The following DDHD1 variants were observed in gnomAD, a reference collection of about 807,000 sequenced individuals.
DDHD1 encodes the protein phospholipase DDHD1.
In DDHD1, 49 loss-of-function variants were observed where a neutral mutation model predicts 96.4. That is an observed-to-expected ratio of 0.51 (90% confidence interval 0.40 to 0.64). The LOEUF (loss-of-function observed/expected upper bound fraction) is 0.64. Ranked by LOEUF, DDHD1 falls within the 30% of genes least tolerant of loss-of-function variation. DDHD1 has a pLI of 0.00. For missense variants in DDHD1, 1,106 were observed against 1,161.2 expected (o/e 0.95, Z 0.69); for synonymous variants, 442 against 446.5 (o/e 0.99, Z 0.13).
At position 53,145,449 on chromosome 14, in the gene DDHD1, A is replaced by T. The variant is rs1046812216; in HGVS notation, c.838+6812T>A. On this transcript the variant is annotated intron_variant, in intron 1 of 12. Transcript: ENST00000673822. ...GCCTGGGAGGTCAAGGCTGCAGTGAACTATGATCACTCCACATTATTCTGG... is the reference window on the plus strand; with the variant it reads ...GCCTGGGAGGTCAAGGCTGCAGTGATCTATGATCACTCCACATTATTCTGG... Among the ~76,000 whole-genome samples the T allele has an allele frequency of 3.4e-5, 5 of 148,662 alleles. No homozygotes were observed. In the South Asian group the frequency reaches 1.1e-3, roughly 32 times the overall value.
chr14:53,129,833 A>G (rs935171237), intron 1 of DDHD1, among the ~76,000 whole-genome samples: 4 of 152,322 alleles, frequency 2.6e-5, no homozygotes, highest in African/African-American at 9.6e-5. Context: ...TAATGGCTCT[A>G]AATGGCCAGA....
At chr14:53,095,952 TAC>T (rs2139690884) in intron 2 of DDHD1, among the ~76,000 whole-genome samples, 1 of 152,224 alleles carries the variant, frequency 6.6e-6, no homozygotes, top group Non-Finnish European at 1.5e-5. Flanking sequence ...TACTGGACTA[TAC>T]ACACTGTTTA....
At chr14:53,094,705 T>A (rs1380036786) in intron 2 of DDHD1, among the ~76,000 whole-genome samples, 208 of 132,518 alleles carry the variant, frequency 1.6e-3, no homozygotes, top group South Asian at 3.4e-3. Context: ...TTAGCTGGGC[T>A]TGGTGATATG....
At position 53,036,816 on chromosome 14, in the gene DDHD1, G is replaced by A. The variant is rs1023348034; in HGVS notation, c.*9952C>T. The A allele has an allele frequency of 3.3e-5, 5 of 152,128 alleles. No homozygotes were observed. Among genetic ancestry groups the A allele is most frequent in the African/African-American group, 9.7e-5 (4 of 41,432 alleles). The allele number at this position is 152,128 out of a possible 1,614,324, so 9.4% of individuals were successfully genotyped here. ...TTTCATTTAGAAACAGTGGGTAAAT[G>A]TGCAAGTTTGTTACAAGGGTATATT... On this transcript the variant is annotated 3_prime_UTR_variant, in exon 13 of 13. Coordinates refer to ENST00000673822, the MANE Select transcript of DDHD1 (RefSeq NM_001160148.2).
intron 4 of DDHD1, among the ~76,000 whole-genome samples, chr14:53,078,950 C>G (rs1189114104): frequency 1.3e-5 from 2 of 151,858 alleles, no homozygotes; most frequent in African/African-American, 4.8e-5. Context: ...TTTTCTGTAT[C>G]TGAAAATCAC....
At chr14:53,047,109 A>C (rs1882079822) in intron 12 of DDHD1, among the ~76,000 whole-genome samples, 160 bp from the exon 13 acceptor site, 2 of 152,196 alleles carry the variant, frequency 1.3e-5, no homozygotes, top group South Asian at 4.1e-4. Context: ...AAAAACACTC[A>C]AAAGAGCCTC....
chr14:53,061,322 C>T (rs1883532940), intron 7 of DDHD1, 121 bp from the exon 8 acceptor site: 9 of 699,574 alleles, frequency 1.3e-5, no homozygotes, highest in Non-Finnish European at 2.0e-5. Context: ...CACATTAATC[C>T]TGGTTGACAG....
intron 1 of DDHD1, among the ~76,000 whole-genome samples, chr14:53,129,749 A>T (rs868862922): frequency 6.6e-6 from 1 of 152,072 alleles, no homozygotes; most frequent in African/African-American, 2.4e-5. Flanking sequence ...AAACCTCTTC[A>T]ATTCTTGCCT....
chr14:53,127,402 T>C lies in DDHD1; in HGVS notation c.839-23546A>G, dbSNP rs138242334. The stretch of plus-strand genomic sequence containing the variant: ...GAGCCTCAGCTTATCATCTATAACA[T>C]GAAGATATTGTCTCACTGCAGGGTT... On this transcript the variant is annotated intron_variant, in intron 1 of 12. Coordinates refer to ENST00000673822, the MANE Select transcript of DDHD1 (RefSeq NM_001160148.2). 5.3e-5 allele frequency among the ~76,000 whole-genome samples: 8 copies of C among 152,328 alleles called. No individual in the cohort carries two copies. In the East Asian group the frequency reaches 1.5e-3, roughly 29 times the overall value.
intron 1 of DDHD1, among the ~76,000 whole-genome samples, chr14:53,106,509 A>G (rs1255165448): frequency 6.6e-6 from 1 of 152,146 alleles, no homozygotes; most frequent in African/African-American, 2.4e-5. Context: ...AAATATAAAA[A>G]TTAGCTGGGC....
chr14:53,135,299 G>A (rs1235800958), intron 1 of DDHD1, among the ~76,000 whole-genome samples: 1 of 152,122 alleles, frequency 6.6e-6, no homozygotes, highest in East Asian at 1.9e-4. Flanking sequence ...CCCCACCCTT[G>A]TGATAATGCA....
Position 53,054,419 on chromosome 14 carries a change from A to G in DDHD1, c.2437+19T>C. The stretch of plus-strand genomic sequence containing the variant: ...AAAAAGATACAGTATCAACTTAAGG[A>G]AATAATGTATGAACTAACATGCAGA... On this transcript the variant is annotated intron_variant, in intron 11 of 12. Transcript: ENST00000673822. The G allele has an allele frequency of 6.2e-7, 1 of 1,608,080 alleles. No homozygotes were observed. Among genetic ancestry groups the G allele is most frequent in the Non-Finnish European group, 8.5e-7 (1 of 1,175,486 alleles).
At chr14:53,117,126 A>T (rs1888603883) in intron 1 of DDHD1, among the ~76,000 whole-genome samples, 1 of 152,218 alleles carries the variant, frequency 6.6e-6, no homozygotes, top group Non-Finnish European at 1.5e-5. Flanking sequence ...ATAATACCAT[A>T]AACACCTCTA....
chr14:53,119,951 AG>A (rs1421852517), intron 1 of DDHD1, among the ~76,000 whole-genome samples: 2 of 152,238 alleles, frequency 1.3e-5, no homozygotes, highest in Non-Finnish European at 2.9e-5. Context: ...AAGTTCTGCC[AG>A]GGCAATCAGA....
rs1440862775 is a variant in DDHD1 at position 53,152,402 on chromosome 14, G to T, written c.697C>A (p.Arg233Ser). Residue 233 changes from arginine to serine, a missense_variant, in exon 1 of 13, where the codon CGC (arginine) becomes AGC (serine). Transcript: ENST00000673822. ...GTACTCTGGCAGAAGCCGCAGGCGC[G>T]GTCCTCATCGTCATCTTCTCCGGAA... ...SSSGEDDDED[R>S]ACGFCQSTTG... 6.2e-7 allele frequency: 1 copy of T among 1,613,896 alleles called. No individual in the cohort carries two copies. The highest frequency in any genetic ancestry group is 8.5e-7 in the Non-Finnish European group (1 of 1,179,964).
intron 6 of DDHD1, among the ~76,000 whole-genome samples, chr14:53,072,241 A>G (rs1336107134): frequency 1.3e-5 from 2 of 152,102 alleles, no homozygotes; most frequent in Non-Finnish European, 2.9e-5. Flanking sequence ...GTACGAATTC[A>G]TTACAGAAGT....
intron 1 of DDHD1, among the ~76,000 whole-genome samples, chr14:53,126,163 A>C (rs544727740): frequency 4.6e-4 from 70 of 152,252 alleles, no homozygotes; most frequent in Non-Finnish European, 7.4e-4. Context: ...TAATTCTCTA[A>C]ATCTGATCAT....
In DDHD1 at chr14:53,051,872, A is replaced by G. The variant is rs545883238; in HGVS notation, c.2493T>C (p.Asn831=). The part of the protein sequence containing the change: ...FNLPQLLFPE[N]VMQNKDNALV... Reference sequence around the variant, plus strand: ...GGGCATTATCTTTATTCTGCATTACATTTTCCGGAAAAAGAAGTTGTGGGA... The same window carrying G: ...GGGCATTATCTTTATTCTGCATTACGTTTTCCGGAAAAAGAAGTTGTGGGA... Residue 831 remains asparagine (N), a synonymous_variant, in exon 12 of 13, where the codon AAT becomes AAC. Transcript: ENST00000673822. 19 of 1,599,880 alleles carry G rather than the reference A, an allele frequency of 1.2e-5. No homozygotes were observed. In the South Asian group the frequency reaches 1.6e-4, roughly 13 times the overall value.
intron 3 of DDHD1, chr14:53,092,670 C>T (rs1886527816): frequency 6.6e-6 from 1 of 152,040 alleles, no homozygotes; most frequent in Admixed American, 6.6e-5. Flanking sequence ...CAAGGAGACT[C>T]CGTTTCTACA....
Sources: allele counts gnomAD v4.1 joint callset (sites outside exome capture counted in the v4.1 genomes callset), GRCh38; gene constraint gnomAD v4.1.1; transcripts MANE v1.5; gene names NCBI Gene and HGNC (gene_info 2026-07-23, HGNC 2026-07-21).